The following PDE1C variants were observed in gnomAD, a reference collection of about 807,000 sequenced individuals.
PDE1C encodes the protein phosphodiesterase 1C.
A neutral mutation model predicts 93.1 loss-of-function variants in PDE1C; 62 were observed. The observed-to-expected ratio is 0.67, with a 90% CI of 0.54 to 0.82. The LOEUF is 0.82. Among genes scored for constraint, PDE1C ranks in the 40% least tolerant of loss-of-function variants. PDE1C has a pLI of 0.00. For synonymous variants in PDE1C, 325 were observed against 310.1 expected, an observed-to-expected ratio of 1.05 and a Z score of -0.50; for missense variants, 742 against 884.6, an observed-to-expected ratio of 0.84 and a Z score of 2.04.
At chr7:32,070,595 C>G, upstream of PDE1C, 1 of 1,424,336 alleles carries the variant, frequency 7.0e-7, no homozygotes, top group Non-Finnish European at 9.1e-7. Flanking sequence ...CAGGTGCGCT[C>G]CGGAGGCAGC....
chr7:32,388,505 C>G (rs79786134), intron 1 of PDE1C, among the ~76,000 whole-genome samples: 2 of 151,604 alleles, frequency 1.3e-5, no homozygotes, highest in Non-Finnish European at 2.9e-5. Context: ...ACAGCGAGAC[C>G]CTGTCTCTAA....
chr7:31,876,511 A>G (rs1796605398), intron 5 of PDE1C, among the ~76,000 whole-genome samples: 1 of 152,202 alleles, frequency 6.6e-6, no homozygotes, highest in Non-Finnish European at 1.5e-5. Context: ...ATTTTCGTAA[A>G]TGTCTTGGTA....
At chr7:31,931,853 A>G (rs367885328) in intron 2 of PDE1C, among the ~76,000 whole-genome samples, 1 of 151,678 alleles carries the variant, frequency 6.6e-6, no homozygotes, top group African/African-American at 2.4e-5. Context: ...ACAAGGCTAC[A>G]GTAACCAAAA....
chr7:32,425,383 C>CAA, intron 1 of PDE1C, among the ~76,000 whole-genome samples: 1 of 151,886 alleles, frequency 6.6e-6, no homozygotes, highest in East Asian at 1.9e-4. Context: ...CCACTCTTTT[C>CAA]AAAAAGATCA....
At chr7:32,110,653 G>A (rs32289) in intron 3 of PDE1C, among the ~76,000 whole-genome samples, 103,920 of 151,906 alleles carry the variant, frequency 0.68, 36,252 homozygotes, top group Middle Eastern at 0.8. Context: ...TTTTCTGAGC[G>A]TTGAATTCTG....
chr7:32,323,863 A>G (rs989335432), intron 1 of PDE1C, among the ~76,000 whole-genome samples: 14 of 152,166 alleles, frequency 9.2e-5, no homozygotes, highest in African/African-American at 3.1e-4. Context: ...CTCCTCTGGA[A>G]GCTCCAAGCA....
chr7:31,848,585 C>T (rs755400146), intron 8 of PDE1C, among the ~76,000 whole-genome samples: 6 of 152,030 alleles, frequency 3.9e-5, no homozygotes, highest in Admixed American at 1.3e-4. Flanking sequence ...CATGCAAAAG[C>T]CACATGTGGA....
rs541741030 is a variant in PDE1C at position 32,215,132 on chromosome 7, C to T, written c.86-5593G>A. Reference sequence around the variant, plus strand: ...CGAGCAGCCCATGGCCTGTTAGGAACCAAGCAGCACAGCAGGAGGTGTGCA... The same window carrying T: ...CGAGCAGCCCATGGCCTGTTAGGAATCAAGCAGCACAGCAGGAGGTGTGCA... On this transcript the variant is annotated intron_variant, in intron 1 of 18. Transcript: ENST00000396193. 1.2e-3 allele frequency among the ~76,000 whole-genome samples: 178 copies of T among 152,214 alleles called. 1 individual carries two copies. Among genetic ancestry groups the T allele is most frequent in the Admixed American group, 2.3e-3 (35 of 15,290 alleles).
intron 2 of PDE1C, among the ~76,000 whole-genome samples, chr7:32,033,276 G>A (rs1360263356): frequency 3.9e-5 from 6 of 151,962 alleles, no homozygotes; most frequent in African/African-American, 9.7e-5. Flanking sequence ...AGGGAGAAGC[G>A]AGCCATGAAA....
intron 2 of PDE1C, among the ~76,000 whole-genome samples, chr7:32,038,274 G>A (rs1233062355): frequency 6.6e-6 from 1 of 152,036 alleles, no homozygotes; most frequent in East Asian, 1.9e-4. Context: ...TCCGCCTATT[G>A]CAGACCCCAT....
chr7:32,038,669 G>A (rs533485415), intron 2 of PDE1C, among the ~76,000 whole-genome samples: 32 of 152,188 alleles, frequency 2.1e-4, no homozygotes, highest in South Asian at 6.2e-4. Context: ...CCTTTTTACA[G>A]TCTTCTGGTA....
chr7:32,228,869 A>G (rs1488972183), intron 1 of PDE1C, among the ~76,000 whole-genome samples: 1 of 152,006 alleles, frequency 6.6e-6, no homozygotes, highest in Non-Finnish European at 1.5e-5. Flanking sequence ...CTGCCTCACA[A>G]CCATGATGCC....
chr7:32,114,221 A>G (rs1798853786), intron 3 of PDE1C, among the ~76,000 whole-genome samples: 1 of 152,220 alleles, frequency 6.6e-6, no homozygotes, highest in Admixed American at 6.5e-5. Context: ...ACTTCAAACT[A>G]TACTACAAGG....
At chr7:32,076,123 C>T (rs1796339116), upstream of PDE1C, among the ~76,000 whole-genome samples, 1 of 152,104 alleles carries the variant, frequency 6.6e-6, no homozygotes, top group African/African-American at 2.4e-5. Context: ...ATAGACATAA[C>T]CTAGATTGTC....
the PDE1C span, chr7:31,658,484 G>A: frequency 8.7e-7 from 1 of 1,155,516 alleles, no homozygotes; most frequent in East Asian, 2.7e-5. Context: ...GAGTATCAAA[G>A]TGGTGCCCCT....
chr7:32,183,208 G>A (rs1171997569), intron 2 of PDE1C, among the ~76,000 whole-genome samples: 8 of 152,148 alleles, frequency 5.3e-5, no homozygotes, highest in African/African-American at 1.4e-4. Flanking sequence ...TCAATATCAT[G>A]AAAATGGCCA....
chr7:31,842,706 C>A (rs899611604), intron 9 of PDE1C, among the ~76,000 whole-genome samples: 4 of 151,960 alleles, frequency 2.6e-5, no homozygotes, highest in African/African-American at 9.7e-5. Flanking sequence ...CAAATAACAG[C>A]TTGAGCTTTC....
At chr7:32,155,796 C>A (rs973567426) in intron 3 of PDE1C, among the ~76,000 whole-genome samples, 1 of 152,196 alleles carries the variant, frequency 6.6e-6, no homozygotes, top group African/African-American at 2.4e-5. Context: ...AAATGGTGTG[C>A]TCAAGGTCAG....
At chr7:31,724,616 T>C in the PDE1C span, among the ~76,000 whole-genome samples, 10 of 152,278 alleles carry the variant, frequency 6.6e-5, no homozygotes, top group South Asian at 1.9e-3. Context: ...TGATTCTTCA[T>C]AGAAATTATA....
Sources: gnomAD v4.1 joint callset for allele counts (sites outside exome capture counted in the v4.1 genomes callset) on GRCh38, gnomAD v4.1.1 for gene constraint, MANE v1.5 for transcripts, NCBI Gene and HGNC (gene_info 2026-07-23, HGNC 2026-07-21) for gene names.